Variants in C12orf60 observed in about 807,000 individuals in gnomAD.
The protein encoded by C12orf60 is chromosome 12 open reading frame 60.
For synonymous variants in C12orf60, 102 were observed against 94.6 expected, an observed-to-expected ratio of 1.08 and a Z score of -0.45; for missense variants, 284 against 283.2, an observed-to-expected ratio of 1.00 and a Z score of -0.02.
intron 1 of C12orf60, among the ~76,000 whole-genome samples, chr12:14,810,268 G>A (rs1407220579): frequency 6.6e-6 from 1 of 152,132 alleles, no homozygotes; most frequent in Non-Finnish European, 1.5e-5. Flanking sequence ...TACAGCTCAA[G>A]GTTATTTCTA....
rs1387113812 is a variant in C12orf60 at position 14,823,395 on chromosome 12, A to G, written c.460A>G (p.Ser154Gly). The G allele has an allele frequency of 1.2e-6, 2 of 1,614,132 alleles. No homozygotes were observed. The highest frequency in any genetic ancestry group is 1.7e-6 in the Non-Finnish European group (2 of 1,180,006). ...MKFPIMNLQL[S>G]DFYTEDTKEQ... The stretch of plus-strand genomic sequence containing the variant: ...ATTCCCCATCATGAATCTTCAATTA[A>G]GTGACTTCTATACAGAAGACACCAA... Residue 154 changes from serine (S) to glycine (G), a missense_variant, in exon 2 of 2, where the codon AGT (serine) becomes GGT (glycine). Transcript: ENST00000330828.
chr12:14,811,306 T>G (rs1275809753), intron 1 of C12orf60, among the ~76,000 whole-genome samples: 1 of 152,198 alleles, frequency 6.6e-6, no homozygotes, highest in Non-Finnish European at 1.5e-5. Flanking sequence ...GTGGAGCTCT[T>G]GGTCTCTGGG....
chr12:14,818,846 C>T (rs559082919), intron 1 of C12orf60, among the ~76,000 whole-genome samples: 62 of 152,276 alleles, frequency 4.1e-4, no homozygotes, highest in African/African-American at 1.5e-3. Context: ...ACTTCCTGTT[C>T]TGTTAGGTTG....
At chr12:14,821,232 C>T (rs747487658) in intron 1 of C12orf60, among the ~76,000 whole-genome samples, 8 of 151,950 alleles carry the variant, frequency 5.3e-5, no homozygotes, top group Non-Finnish European at 8.8e-5. Context: ...TTTAATTTGC[C>T]TATTGACGAA....
intron 1 of C12orf60, among the ~76,000 whole-genome samples, chr12:14,817,464 T>A (rs1224752183): frequency 6.6e-6 from 1 of 152,026 alleles, no homozygotes; most frequent in Non-Finnish European, 1.5e-5. Context: ...GACCCATCCT[T>A]TAAGTTCCCT....
chr12:14,819,877 G>A (rs1284038021), intron 1 of C12orf60, among the ~76,000 whole-genome samples: 1 of 151,906 alleles, frequency 6.6e-6, no homozygotes, highest in African/African-American at 2.4e-5. Flanking sequence ...TTTCTGCAAT[G>A]GTAGCCTTAT....
chr12:14,808,798 G>A (rs1195095014), intron 1 of C12orf60, among the ~76,000 whole-genome samples: 1 of 152,058 alleles, frequency 6.6e-6, no homozygotes, highest in Admixed American at 6.5e-5. Context: ...ATATATACAG[G>A]CATGCACACA....
chr12:14,807,970 A>G (rs1361847720), intron 1 of C12orf60, among the ~76,000 whole-genome samples: 1 of 152,156 alleles, frequency 6.6e-6, no homozygotes, highest in Non-Finnish European at 1.5e-5. Context: ...GTTCAAGACC[A>G]GCCTGGCCAA....
chr12:14,807,452 C>T (rs1049549357), intron 1 of C12orf60, among the ~76,000 whole-genome samples: 1 of 152,196 alleles, frequency 6.6e-6, no homozygotes, highest in Admixed American at 6.5e-5. Context: ...GAGTTAAACT[C>T]TAGTCAGGGC....
chr12:14,807,498 G>A (rs533169315), intron 1 of C12orf60, among the ~76,000 whole-genome samples: 1 of 152,198 alleles, frequency 6.6e-6, no homozygotes, highest in South Asian at 2.1e-4. Flanking sequence ...TTACAGGGCT[G>A]TTTTTTGTAT....
In C12orf60 at chr12:14,823,256, G is replaced by T. The variant is rs1950334054; in HGVS notation, c.321G>T (p.Leu107Phe). The T allele has an allele frequency of 3.7e-6, 6 of 1,613,948 alleles. No individual in the cohort carries two copies. The change falls in exon 2 of 2, where the codon TTG becomes TTT. Residue 107 changes from leucine (L) to phenylalanine (F), a missense_variant. Transcript: ENST00000330828. ...VVQKSTNVEE[L>F]HQSAKEVFKS... ...AGAAGAGTACCAATGTAGAGGAGTT[G>T]CATCAGTCAGCTAAAGAAGTATTCA... is the stretch of plus-strand genomic sequence containing the variant.
chr12:14,806,688 A>G (rs892718603), intron 1 of C12orf60: 7 of 1,566,836 alleles, frequency 4.5e-6, no homozygotes, highest in Middle Eastern at 1.7e-4. Context: ...CATATTTCCA[A>G]TATGATCGCT....
rs1174069820 is a variant in C12orf60, at chr12:14,822,953, A to T, written c.18A>T (p.Glu6Asp). Residue 6 changes from glutamate to aspartate, a missense_variant, in exon 2 of 2, where the codon GAA becomes GAT. Physicochemically the swap from Glu to Asp is conservative, Grantham distance 45 (BLOSUM62 2). Transcript: ENST00000330828. The part of the protein sequence containing the change: MSSES[E>D]KDKERLIQAA... ...TTGGAGAAATGTCTTCAGAGTCAGA[A>T]AAGGATAAAGAGAGACTGATTCAAG... 1.3e-6 allele frequency: 2 copies of T among 1,577,760 alleles called. No homozygotes were observed. Among genetic ancestry groups the T allele is most frequent in the African/African-American group, 2.7e-5 (2 of 73,500 alleles).
intron 1 of C12orf60, among the ~76,000 whole-genome samples, chr12:14,816,286 G>T (rs571889418): frequency 6.6e-6 from 1 of 152,058 alleles, no homozygotes; most frequent in Non-Finnish European, 1.5e-5. Flanking sequence ...TCACTTGATC[G>T]TCTTTTATTT....
In C12orf60 at chr12:14,823,334, TG is replaced by T; in HGVS notation, c.402del (p.Ser135ValfsTer9). ...ISVLNSSNIL[G>X]SLESSLSHLM... ...CTGTGCTAAACAGCAGTAACATCCT[TG>T]GGAGTCTGGAATCTTCTCTTTCACA... On this transcript the variant is annotated frameshift_variant, in exon 2 of 2. Coordinates refer to ENST00000330828, the MANE Select transcript of C12orf60 (RefSeq NM_175874.4). LOFTEE classifies it low-confidence loss of function (END_TRUNC). 1 of 1,614,142 alleles carries T rather than the reference TG, an allele frequency of 6.2e-7. No homozygotes were observed. Among genetic ancestry groups the T allele is most frequent in the Non-Finnish European group, 8.5e-7 (1 of 1,180,024 alleles).
intron 1 of C12orf60, among the ~76,000 whole-genome samples, chr12:14,817,357 A>C (rs77998382): frequency 6.6e-6 from 1 of 151,780 alleles, no homozygotes; most frequent in African/African-American, 2.4e-5. Flanking sequence ...TTTTGTTTTT[A>C]TTTATTTCTT....
rs547156265 is a variant in C12orf60, at chr12:14,822,717, C to T, written c.-24-195C>T. ...ATGTGGTATAAATTTGGCGATACAA[C>T]CCTATTCTACCCTGTTTTAATTATT... is the stretch of plus-strand genomic sequence containing the variant. On this transcript the variant is annotated intron_variant, in intron 1 of 1. Transcript: ENST00000330828. 4.6e-5 allele frequency among the ~76,000 whole-genome samples: 7 copies of T among 152,294 alleles called. No individual in the cohort carries two copies. In the East Asian group the frequency reaches 1.2e-3, roughly 25 times the overall value.
chr12:14,810,857 A>T (rs533984087), intron 1 of C12orf60, among the ~76,000 whole-genome samples: 16 of 152,268 alleles, frequency 1.1e-4, no homozygotes, highest in Admixed American at 7.8e-4. Flanking sequence ...TGATTACTCC[A>T]CTCAGCAAAA....
chr12:14,823,235 G>A lies in C12orf60; in HGVS notation c.300G>A (p.Lys100=), dbSNP rs1339822844. ...VAMAMCSVVQ[K]STNVEELHQS... ...TGGCCATGTGCTCTGTGGTTCAGAA[G>A]AGTACCAATGTAGAGGAGTTGCATC... The change falls in exon 2 of 2, where the codon AAG becomes AAA. Residue 100 remains lysine (K), a synonymous_variant. Transcript: ENST00000330828. 1.2e-6 allele frequency: 2 copies of A among 1,614,090 alleles called. No homozygotes were observed. Among genetic ancestry groups the A allele is most frequent in the Non-Finnish European group, 1.7e-6 (2 of 1,180,008 alleles).
Sources: gnomAD v4.1 joint callset for allele counts (sites outside exome capture counted in the v4.1 genomes callset) on GRCh38, gnomAD v4.1.1 for gene constraint, MANE v1.5 for transcripts, NCBI Gene and HGNC (gene_info 2026-07-23, HGNC 2026-07-21) for gene names.